The following MICAL2 variants were observed in gnomAD, a reference collection of about 807,000 sequenced individuals.
MICAL2 encodes [F-actin]-monooxygenase MICAL2.
Under a neutral mutation model 127.3 loss-of-function variants are expected in MICAL2, and 77 were observed. The observed-to-expected ratio is 0.60, with a 90% CI of 0.50 to 0.73. The LOEUF (loss-of-function observed/expected upper bound fraction) is 0.73, where lower values mean the gene tolerates loss of function less well. Among genes scored for constraint, MICAL2 ranks in the 30% least tolerant of loss-of-function variants. MICAL2 has a pLI of 0.00. For synonymous variants in MICAL2, 570 were observed against 551.1 expected (o/e 1.03, Z -0.48); for missense variants, 1,351 against 1,434.4 (o/e 0.94, Z 0.94).
intron 6 of MICAL2, among the ~76,000 whole-genome samples, chr11:12,209,870 G>A (rs756939906): frequency 3.9e-5 from 6 of 152,036 alleles, no homozygotes; most frequent in African/African-American, 9.7e-5. Context: ...GTTGTTATGC[G>A]GGCTGGGAAA....
chr11:12,282,275 G>T (rs1184842466), intron 2 of MICAL2, among the ~76,000 whole-genome samples: 1 of 152,032 alleles, frequency 6.6e-6, no homozygotes, highest in African/African-American at 2.4e-5. Context: ...GTGCAGAAAG[G>T]CTCAGCACTG....
chr11:12,256,143 T>C (rs1166485563), intron 23 of MICAL2: 1 of 171,868 alleles, frequency 5.8e-6, no homozygotes, highest in African/African-American at 2.4e-5. Flanking sequence ...TTGATTTGAA[T>C]TCTCCCTTTC....
intron 21 of MICAL2, among the ~76,000 whole-genome samples, chr11:12,244,373 G>A (rs920995519): frequency 1.3e-5 from 2 of 152,180 alleles, no homozygotes; most frequent in African/African-American, 4.8e-5. Context: ...GCCACCCTTC[G>A]TGCCAGATGC....
chr11:12,239,500 GA>G lies in MICAL2; in HGVS notation c.2132del (p.Asn711IlefsTer26). The stretch of plus-strand genomic sequence containing the variant: ...GAGTGTGGGAGCAGTAAGGAAGGTG[GA>G]AATCAGAACAAAGTCAAGTCCATGG... ...NQECGSSKEG[G>X]NQNKVKSMAN... On this transcript the variant is annotated frameshift_variant, in exon 17 of 28. Transcript: ENST00000683283. LOFTEE classifies it high-confidence loss of function. The G allele has an allele frequency of 1.9e-6, 3 of 1,614,240 alleles. No individual in the cohort carries two copies. Among genetic ancestry groups the G allele is most frequent in the Non-Finnish European group, 1.7e-6 (2 of 1,180,048 alleles).
rs115278142 is a variant in MICAL2 at position 12,276,546 on chromosome 11, G to A, written c.87+380G>A. ...CCCACTGCAAGATGGTGATGCATGGGGCTGGGCAGGCTAGGATTCAGAGTG... is the reference window on the plus strand; with the variant it reads ...CCCACTGCAAGATGGTGATGCATGGAGCTGGGCAGGCTAGGATTCAGAGTG... On this transcript the variant is annotated intron_variant, in intron 1 of 2. Coordinates refer to the MICAL2 transcript ENST00000529028. 5.1e-3 allele frequency: 820 copies of A among 159,714 alleles called. 7 individuals are homozygous for A. The highest frequency in any genetic ancestry group is 0.019 in the African/African-American group (787 of 41,880). The allele number at this position is 159,714 out of a possible 1,614,324, so 9.9% of individuals were successfully genotyped here. A position where few individuals can be genotyped will look rare whatever the true frequency, so the allele number is the denominator to read the frequency against.
At chr11:12,297,956 G>A (rs1026055571) in intron 29 of MICAL2, among the ~76,000 whole-genome samples, 3 of 151,392 alleles carry the variant, frequency 2.0e-5, no homozygotes, top group African/African-American at 7.3e-5. Flanking sequence ...CTATCTGATA[G>A]GAAGAGTATT....
At chr11:12,212,364 C>A (rs1350935285) in intron 6 of MICAL2, among the ~76,000 whole-genome samples, 1 of 152,118 alleles carries the variant, frequency 6.6e-6, no homozygotes, top group Non-Finnish European at 1.5e-5. Flanking sequence ...ATTGTCCCAG[C>A]TACTTGCTGG....
intron 23 of MICAL2, 119 bp from the exon 24 acceptor site, chr11:12,256,666 A>G: frequency 1.1e-6 from 1 of 926,466 alleles, no homozygotes; most frequent in Non-Finnish European, 1.6e-6. Flanking sequence ...TGGCAGTAGC[A>G]GGAAGCAGAA....
rs574924797 is a variant in MICAL2, at chr11:12,268,805, A to T, written c.3335-7181A>T. 3.3e-3 allele frequency among the ~76,000 whole-genome samples: 501 copies of T among 151,286 alleles called. 4 individuals are homozygous for T. Among genetic ancestry groups the T allele is most frequent in the African/African-American group, 0.012 (487 of 41,264 alleles). On this transcript the variant is annotated intron_variant, in intron 24 of 34. Transcript: ENST00000646065. Reference sequence around the variant, plus strand: ...GGAGATCGAGACCATCCTGGCTAACATGGTGAAACACTGTCTCTACTAAAA... The same window carrying T: ...GGAGATCGAGACCATCCTGGCTAACTTGGTGAAACACTGTCTCTACTAAAA...
intron 8 of MICAL2, among the ~76,000 whole-genome samples, chr11:12,216,611 C>G (rs1856189138): frequency 6.6e-6 from 1 of 152,162 alleles, no homozygotes; most frequent in African/African-American, 2.4e-5. Flanking sequence ...CCAGCCTTGC[C>G]TCTTCTCTGG....
intron 3 of MICAL2, among the ~76,000 whole-genome samples, chr11:12,201,061 C>G (rs1860656662): frequency 6.6e-6 from 1 of 152,168 alleles, no homozygotes; most frequent in Non-Finnish European, 1.5e-5. Context: ...CTGTCATTGT[C>G]TGGCTATGTC....
chr11:12,228,097 G>A (rs1857707149), intron 15 of MICAL2, among the ~76,000 whole-genome samples: 1 of 152,228 alleles, frequency 6.6e-6, no homozygotes, highest in Non-Finnish European at 1.5e-5. Flanking sequence ...GGGAGGCCAA[G>A]GCAGGCAGAT....
chr11:12,123,600 A>C (rs1850681013), intron 1 of MICAL2, among the ~76,000 whole-genome samples: 1 of 152,226 alleles, frequency 6.6e-6, no homozygotes, highest in Non-Finnish European at 1.5e-5. Context: ...AAATTTCCAT[A>C]TGTGAGGCGG....
chr11:12,112,524 G>T (rs1849686579), intron 1 of MICAL2, among the ~76,000 whole-genome samples: 1 of 145,226 alleles, frequency 6.9e-6, no homozygotes, highest in Non-Finnish European at 1.5e-5. Context: ...CCTTAGGACT[G>T]ATTCTAGTTT....
At chr11:12,352,175 T>C (rs1243138875) in intron 33 of MICAL2, among the ~76,000 whole-genome samples, 3 of 152,222 alleles carry the variant, frequency 2.0e-5, no homozygotes, top group Non-Finnish European at 4.4e-5. Flanking sequence ...AAGCCCTTTT[T>C]ATATAGCTAC....
chr11:12,353,615 C>T (rs1321342343), intron 33 of MICAL2, among the ~76,000 whole-genome samples: 1 of 152,182 alleles, frequency 6.6e-6, no homozygotes, highest in Admixed American at 6.5e-5. Context: ...CTGTGGGGAG[C>T]TCACACACCC....
intron 1 of MICAL2, chr11:12,116,631 C>T (rs750792249): frequency 6.6e-6 from 1 of 152,224 alleles, no homozygotes; most frequent in Non-Finnish European, 1.5e-5. Flanking sequence ...CCTAAAACAT[C>T]GATCACGTGG....
intron 21 of MICAL2, among the ~76,000 whole-genome samples, chr11:12,245,592 A>G (rs1860626899): frequency 6.6e-6 from 1 of 152,206 alleles, no homozygotes; most frequent in Non-Finnish European, 1.5e-5. Context: ...AGGATCTTCA[A>G]TGCCACTGAA....
At chr11:12,253,052 C>T (rs749780430) in intron 22 of MICAL2, 10 of 152,112 alleles carry the variant, frequency 6.6e-5, no homozygotes, top group East Asian at 1.9e-4. Flanking sequence ...GAGACTGCAG[C>T]GATACCAGGG....
Sources: gnomAD v4.1 joint callset for allele counts (sites outside exome capture counted in the v4.1 genomes callset) on GRCh38, gnomAD v4.1.1 for gene constraint, MANE v1.5 for transcripts, NCBI Gene and HGNC (gene_info 2026-07-23, HGNC 2026-07-21) for gene names.